Variants in INPP4B observed in about 807,000 individuals in gnomAD.
INPP4B encodes inositol polyphosphate-4-phosphatase type II B.
Under a neutral mutation model 122.5 loss-of-function variants are expected in INPP4B, and 55 were observed. That is an observed-to-expected ratio of 0.45 (90% CI 0.36 to 0.56). The LOEUF (loss-of-function observed/expected upper bound fraction) is 0.56, where lower values mean the gene tolerates loss of function less well. INPP4B is among the 20% of genes least tolerant of loss of function. The pLI is 0.00. For synonymous variants in INPP4B, 403 were observed against 388.7 expected (o/e 1.04, Z -0.43); for missense variants, 1,000 against 1,097.7 (o/e 0.91, Z 1.26).
chr4:142,157,022 A>G lies in INPP4B; in HGVS notation c.1563+3336T>C, dbSNP rs530777404. On this transcript the variant is annotated intron_variant, in intron 17 of 25. Coordinates refer to ENST00000262992, the MANE Select transcript of INPP4B (RefSeq NM_001101669.3). ...TTAAGTGATCAGGGAATATCTTCAC[A>G]TAATATCACAGAAACCCAATTGAAT... 5.9e-5 allele frequency among the ~76,000 whole-genome samples: 9 copies of G among 152,272 alleles called. No individual in the cohort carries two copies. The East Asian group carries it at 1.7e-3, about 29-fold the overall frequency.
chr4:142,442,308 T>A (rs564188202), intron 3 of INPP4B, among the ~76,000 whole-genome samples: 1 of 145,336 alleles, frequency 6.9e-6, no homozygotes, highest in East Asian at 2.1e-4. Context: ...GCTATATGGG[T>A]GGCTGAGGCA....
intron 12 of INPP4B, among the ~76,000 whole-genome samples, chr4:142,231,164 G>C (rs1229568772): frequency 6.6e-6 from 1 of 152,194 alleles, no homozygotes; most frequent in African/African-American, 2.4e-5. Context: ...GTGAGACTAA[G>C]AGACTAACAG....
intron 7 of INPP4B, among the ~76,000 whole-genome samples, chr4:142,377,405 T>G (rs1310350273): frequency 6.6e-6 from 1 of 152,036 alleles, no homozygotes; most frequent in African/African-American, 2.4e-5. Flanking sequence ...AGCCTTTCAT[T>G]TGGAGCAGTT....
intron 14 of INPP4B, among the ~76,000 whole-genome samples, chr4:142,196,673 C>G (rs1222500446): frequency 1.3e-5 from 2 of 152,124 alleles, no homozygotes; most frequent in Non-Finnish European, 2.9e-5. Flanking sequence ...TGCAGTAGTT[C>G]ACTTTTATAT....
chr4:142,644,867 C>T (rs1252998578), intron 2 of INPP4B, among the ~76,000 whole-genome samples: 5 of 131,164 alleles, frequency 3.8e-5, no homozygotes, highest in Admixed American at 1.8e-4. Flanking sequence ...GATCAGGCCA[C>T]TGCACTCCAG....
At chr4:142,152,198 C>T (rs540129104) in intron 17 of INPP4B, among the ~76,000 whole-genome samples, 30 of 150,218 alleles carry the variant, frequency 2.0e-4, no homozygotes, top group African/African-American at 6.8e-4. Context: ...CTCAGCCTCC[C>T]GGAGTAGCTG....
intron 1 of INPP4B, among the ~76,000 whole-genome samples, chr4:142,830,344 G>A (rs972618348): frequency 3.3e-5 from 5 of 152,128 alleles, no homozygotes; most frequent in African/African-American, 7.2e-5. Context: ...AATGTAATAC[G>A]AAGTCTCTCT....
intron 5 of INPP4B, among the ~76,000 whole-genome samples, chr4:142,427,939 G>C (rs1366485430): frequency 6.6e-6 from 1 of 151,876 alleles, no homozygotes; most frequent in Non-Finnish European, 1.5e-5. Flanking sequence ...TCTAGAGAGA[G>C]AGGGAGAAAA....
intron 2 of INPP4B, among the ~76,000 whole-genome samples, chr4:142,545,693 A>ATGTGTGTG (rs1351909166): frequency 1.8e-4 from 21 of 119,304 alleles, no homozygotes; most frequent in African/African-American, 6.3e-4. Context: ...ACACACATAT[A>ATGTGTGTG]TATGTGTATA....
At chr4:142,537,273 C>A (rs919997520) in intron 2 of INPP4B, among the ~76,000 whole-genome samples, 2 of 151,036 alleles carry the variant, frequency 1.3e-5, no homozygotes, top group African/African-American at 4.9e-5. Flanking sequence ...AATGGATGGA[C>A]AGGGCTCTTA....
chr4:142,352,447 C>T (rs749847152), intron 7 of INPP4B, among the ~76,000 whole-genome samples: 20 of 151,722 alleles, frequency 1.3e-4, no homozygotes, highest in Non-Finnish European at 2.8e-4. Context: ...CTATCATATT[C>T]TGTATGATGT....
At chr4:142,599,709 A>T (rs1739465046) in intron 2 of INPP4B, among the ~76,000 whole-genome samples, 1 of 152,098 alleles carries the variant, frequency 6.6e-6, no homozygotes, top group African/African-American at 2.4e-5. Flanking sequence ...AAATCTCAGA[A>T]AAAGAATTCA....
chr4:142,140,179 A>C (rs1807024826), intron 18 of INPP4B, among the ~76,000 whole-genome samples: 1 of 152,238 alleles, frequency 6.6e-6, no homozygotes, highest in Admixed American at 6.5e-5. Context: ...ATCTACATGG[A>C]GGTTTACTGC....
intron 2 of INPP4B, among the ~76,000 whole-genome samples, chr4:142,552,626 G>A (rs972811805): frequency 6.6e-6 from 1 of 152,126 alleles, no homozygotes; most frequent in African/African-American, 2.4e-5. Context: ...AGAGAATTTG[G>A]AGAAAGAGGC....
intron 1 of INPP4B, among the ~76,000 whole-genome samples, chr4:142,804,146 A>G (rs1778380886): frequency 6.6e-6 from 1 of 152,058 alleles, no homozygotes; most frequent in South Asian, 2.1e-4. Context: ...AGAATAGCTC[A>G]TCGTGACCAG....
At chr4:142,846,438 C>G (rs1784210696), upstream of INPP4B, 1 of 152,288 alleles carries the variant, frequency 6.6e-6, no homozygotes, top group Non-Finnish European at 1.5e-5. The surrounding 1 kb of genome is among the most constrained non-coding windows in gnomAD (Gnocchi z 5.1). Flanking sequence ...GCAGCTCCCC[C>G]AGCCTCTGGC....
chr4:142,714,357 C>G (rs931313465), intron 2 of INPP4B, among the ~76,000 whole-genome samples: 5 of 152,204 alleles, frequency 3.3e-5, no homozygotes. Context: ...ACTTTCTGCA[C>G]TTTCCTCACA....
intron 10 of INPP4B, among the ~76,000 whole-genome samples, chr4:142,264,883 C>A (rs1742003487): frequency 6.6e-6 from 1 of 152,108 alleles, no homozygotes; most frequent in African/African-American, 2.4e-5. Context: ...CTTAATACTA[C>A]AGGGCTGGTA....
chr4:142,187,599 A>AT (rs969832007), intron 15 of INPP4B, among the ~76,000 whole-genome samples: 82 of 148,810 alleles, frequency 5.5e-4, no homozygotes, highest in Non-Finnish European at 8.4e-4. Context: ...ACAGACACAC[A>AT]TTTTTTTTTT....
Sources: gnomAD v4.1 joint callset for allele counts (sites outside exome capture counted in the v4.1 genomes callset) on GRCh38, gnomAD v4.1.1 for gene constraint, Gnocchi (gnomAD v3.1) non-coding constraint, MANE v1.5 for transcripts, NCBI Gene and HGNC (gene_info 2026-07-23, HGNC 2026-07-21) for gene names.